The following FAM135B variants were observed in gnomAD, a reference collection of about 807,000 sequenced individuals.
The protein encoded by FAM135B is family with sequence similarity 135 member B.
A neutral mutation model predicts 127.7 loss-of-function variants in FAM135B; 43 were observed. That is an observed-to-expected ratio of 0.34 (90% CI 0.26 to 0.43). The LOEUF (loss-of-function observed/expected upper bound fraction) is 0.43. Among genes scored for constraint, FAM135B ranks in the 20% least tolerant of loss-of-function variants. The pLI is 1.00. For missense variants in FAM135B, 1,558 were observed against 1,725.6 expected (o/e 0.90, Z 1.72); for synonymous variants, 670 against 665.1 (o/e 1.01, Z -0.11).
Position 138,330,085 on chromosome 8 carries a change from C to T in FAM135B, c.78-19165G>A, listed in dbSNP as rs558018138. Among the ~76,000 whole-genome samples, 4 of 152,244 alleles carry T rather than the reference C, an allele frequency of 2.6e-5. No homozygotes were observed. In the South Asian group the frequency reaches 8.3e-4, roughly 32 times the overall value. On this transcript the variant is annotated intron_variant, in intron 2 of 19. Coordinates refer to ENST00000395297, the MANE Select transcript of FAM135B (RefSeq NM_015912.4). ...TGCCCAGTCTCTCCAGTCTCCCCTT[C>T]CCACCCCAACTCACTCCTCACTCAT...
At chr8:138,244,352 G>A (rs940014069) in intron 6 of FAM135B, among the ~76,000 whole-genome samples, 2 of 145,500 alleles carry the variant, frequency 1.4e-5, no homozygotes, top group Non-Finnish European at 3.0e-5. Flanking sequence ...AAGCAGTGAG[G>A]GGGCAATAAA....
At chr8:138,348,508 A>G (rs182739820) in intron 2 of FAM135B, among the ~76,000 whole-genome samples, 1 of 152,286 alleles carries the variant, frequency 6.6e-6, no homozygotes, top group Non-Finnish European at 1.5e-5. Flanking sequence ...CTTTATAAAC[A>G]ACAATGCTTT....
chr8:138,146,583 C>A (rs1817675571), intron 14 of FAM135B, among the ~76,000 whole-genome samples: 1 of 152,020 alleles, frequency 6.6e-6, no homozygotes, highest in African/African-American at 2.4e-5. Flanking sequence ...CATGGCAGAG[C>A]AAGCTCTACG....
intron 2 of FAM135B, among the ~76,000 whole-genome samples, chr8:138,320,066 G>A (rs1475020421): frequency 3.3e-5 from 5 of 152,132 alleles, no homozygotes; most frequent in South Asian, 4.2e-4. Context: ...CTCCTCTAGC[G>A]CCTCCACGCA....
chr8:138,376,557 A>G (rs1831486409), intron 1 of FAM135B, among the ~76,000 whole-genome samples: 1 of 152,144 alleles, frequency 6.6e-6, no homozygotes. Flanking sequence ...GAGGCATTGT[A>G]TACTCCATCA....
Position 138,426,074 on chromosome 8 carries a change from T to C in FAM135B, c.-19-58072A>G, listed in dbSNP as rs868503599. 9.3e-3 allele frequency among the ~76,000 whole-genome samples: 503 copies of C among 53,940 alleles called. 30 individuals carry two copies. Among genetic ancestry groups the C allele is most frequent in the African/African-American group, 0.054 (448 of 8,358 alleles). 35.4% of individuals were successfully genotyped at this position (53,940 alleles called of 152,430 possible). On this transcript the variant is annotated intron_variant, in intron 1 of 19. Coordinates refer to ENST00000395297, the MANE Select transcript of FAM135B (RefSeq NM_015912.4). ...ACATATATATATACACACACACACA[T>C]ATATAAAATGTTTTATGTATGTTTT...
chr8:138,342,783 T>G (rs928958865), intron 2 of FAM135B, among the ~76,000 whole-genome samples: 2 of 152,180 alleles, frequency 1.3e-5, no homozygotes, highest in Admixed American at 1.3e-4. Context: ...TAAGCATGCA[T>G]GCCCACAAAC....
At chr8:138,477,504 G>C (rs1814544679) in intron 1 of FAM135B, 1 of 152,118 alleles carries the variant, frequency 6.6e-6, no homozygotes, top group Non-Finnish European at 1.5e-5. Flanking sequence ...CTCATTATGA[G>C]CTGCTTGATC....
At chr8:138,383,145 A>G (rs1165158836) in intron 1 of FAM135B, among the ~76,000 whole-genome samples, 2 of 152,212 alleles carry the variant, frequency 1.3e-5, no homozygotes, top group African/African-American at 4.8e-5. Context: ...AGTGAGGTTA[A>G]CGATCTCCTC....
intron 1 of FAM135B, among the ~76,000 whole-genome samples, chr8:138,377,223 T>G (rs533401061): frequency 2.0e-5 from 3 of 152,300 alleles, no homozygotes; most frequent in African/African-American, 7.2e-5. Context: ...ATTTACTTTA[T>G]GAAAAGGGAA....
chr8:138,357,966 C>A (rs116881739), intron 2 of FAM135B, among the ~76,000 whole-genome samples: 3,371 of 152,170 alleles, frequency 0.022, 120 homozygotes, highest in East Asian at 0.17. Flanking sequence ...AAGAAATACC[C>A]AAGACTGGGT....
intron 2 of FAM135B, among the ~76,000 whole-genome samples, chr8:138,356,216 A>G (rs968600234): frequency 6.6e-6 from 1 of 152,082 alleles, no homozygotes; most frequent in African/African-American, 2.4e-5. Flanking sequence ...GCAGCACAAA[A>G]GGACTAAAAT....
At chr8:138,445,588 T>C (rs1473066135) in intron 1 of FAM135B, among the ~76,000 whole-genome samples, 1 of 152,208 alleles carries the variant, frequency 6.6e-6, no homozygotes, top group Non-Finnish European at 1.5e-5. Flanking sequence ...AAAAGGCCTT[T>C]GACAAAATTC....
At chr8:138,209,340 T>C (rs1817958791) in intron 7 of FAM135B, among the ~76,000 whole-genome samples, 1 of 152,106 alleles carries the variant, frequency 6.6e-6, no homozygotes, top group Non-Finnish European at 1.5e-5. Flanking sequence ...CACGTAGGGG[T>C]AGAAAAAGGC....
chr8:138,446,058 C>T (rs1178777553), intron 1 of FAM135B, among the ~76,000 whole-genome samples: 1 of 152,122 alleles, frequency 6.6e-6, no homozygotes, highest in African/African-American at 2.4e-5. Context: ...TTCACAATCG[C>T]TTCAAAGAGA....
At chr8:138,315,637 A>T (rs1047349606) in intron 2 of FAM135B, among the ~76,000 whole-genome samples, 1 of 144,378 alleles carries the variant, frequency 6.9e-6, no homozygotes, top group African/African-American at 2.9e-5. Context: ...ACACACACAT[A>T]CACATGCACT....
intron 5 of FAM135B, among the ~76,000 whole-genome samples, chr8:138,253,039 G>T (rs956124940): frequency 2.0e-5 from 3 of 152,120 alleles, no homozygotes; most frequent in Non-Finnish European, 4.4e-5. Context: ...AACCTCAAGT[G>T]ATCCTCCTGC....
chr8:138,238,495 A>T (rs78423432), intron 7 of FAM135B, among the ~76,000 whole-genome samples: 8,708 of 152,234 alleles, frequency 0.057, 336 homozygotes, highest in East Asian at 0.2. Flanking sequence ...GAAAGAAAAG[A>T]GGCCACGAGG....
intron 3 of FAM135B, among the ~76,000 whole-genome samples, chr8:138,284,739 TCTC>T: frequency 6.6e-6 from 1 of 152,070 alleles, no homozygotes; most frequent in South Asian, 2.1e-4. Flanking sequence ...TCTTCCCTAA[TCTC>T]CTTAACGTGG....
Sources: gnomAD v4.1 joint callset for allele counts (sites outside exome capture counted in the v4.1 genomes callset) on GRCh38, gnomAD v4.1.1 for gene constraint, MANE v1.5 for transcripts, NCBI Gene and HGNC (gene_info 2026-07-23, HGNC 2026-07-21) for gene names.